Variants in NBEAL1 observed in about 807,000 individuals in gnomAD.
NBEAL1 encodes neurobeachin like 1, also known as neurobeachin-like protein 1.
NBEAL1 carries 273 observed loss-of-function variants against 351.3 expected under a neutral mutation model. The ratio of observed to expected loss-of-function variants is 0.78; its 90% CI spans 0.70 to 0.86. NBEAL1 has a LOEUF of 0.86. Among genes scored for constraint, NBEAL1 ranks in the 40% least tolerant of loss-of-function variants. NBEAL1 has a pLI of 0.00. For missense variants in NBEAL1, 2,961 were observed against 3,201.3 expected (o/e 0.92, Z 1.81); for synonymous variants, 1,050 against 1,086.4 (o/e 0.97, Z 0.66).
chr2:203,027,340 A>G (rs2060874953), intron 2 of NBEAL1, among the ~76,000 whole-genome samples: 1 of 152,264 alleles, frequency 6.6e-6, no homozygotes. Context: ...TTAAAAAATG[A>G]AAAAATAACT....
intron 36 of NBEAL1, among the ~76,000 whole-genome samples, chr2:203,158,876 G>A (rs1334180350): frequency 1.5e-5 from 2 of 131,282 alleles, no homozygotes; most frequent in Admixed American, 9.1e-5. Flanking sequence ...CTGGAGTGCA[G>A]TGGTGTGATC....
intron 3 of NBEAL1, among the ~76,000 whole-genome samples, chr2:203,046,514 C>T (rs2061229480): frequency 6.6e-6 from 1 of 152,092 alleles, no homozygotes; most frequent in Non-Finnish European, 1.5e-5. Context: ...CCACCGCACC[C>T]GGCCAAGAAC....
chr2:203,071,989 G>A (rs1260043191), intron 7 of NBEAL1, among the ~76,000 whole-genome samples: 1 of 152,170 alleles, frequency 6.6e-6, no homozygotes, highest in Non-Finnish European at 1.5e-5. Context: ...ACATAATGCT[G>A]TCTGTGAGGG....
chr2:203,106,323 C>A (rs930475481), intron 12 of NBEAL1, among the ~76,000 whole-genome samples: 1 of 152,140 alleles, frequency 6.6e-6, no homozygotes, highest in Admixed American at 6.6e-5. Context: ...TGAAACATGC[C>A]TTTCATTGTA....
chr2:203,068,399 C>T lies in NBEAL1; in HGVS notation c.522C>T (p.Ile174=). ...RNWRHRISGR[I]LSTVEKSRQK... ...AACTTCTTTTTAATGATAGACGAAT[C>T]CTTAGTACTGTGGAAAAGAGCAGAC... The change falls in exon 7 of 56, where the codon ATC becomes ATT. Residue 174 remains isoleucine, a synonymous_variant. Transcript: ENST00000683969. 3 of 1,538,610 alleles carry T rather than the reference C, an allele frequency of 1.9e-6. No homozygotes were observed. The highest frequency in any genetic ancestry group is 2.5e-5 in the East Asian group (1 of 40,716).
Position 203,130,361 on chromosome 2 carries a change from G to C in NBEAL1, c.3449G>C (p.Ser1150Thr), listed in dbSNP as rs572620492. The change falls in exon 25 of 56, where the codon AGC (serine) becomes ACC (threonine). Residue 1150 changes from serine to threonine, a missense_variant. Coordinates refer to ENST00000683969, the MANE Select transcript of NBEAL1 (RefSeq NM_001378026.1). Reference sequence around the variant, plus strand: ...GTGCTCTTCAGTCTCCTACGTACCAGCCCAACCAGAGGTCAGCTTTTCTTA... The same window carrying C: ...GTGCTCTTCAGTCTCCTACGTACCACCCCAACCAGAGGTCAGCTTTTCTTA... ...LDVLFSLLRT[S>T]PTRGQLFLLL... The C allele has an allele frequency of 1.4e-5, 21 of 1,533,680 alleles. No individual in the cohort carries two copies. In the Admixed American group the frequency reaches 4.3e-4, roughly 32 times the overall value.
chr2:203,019,533 T>C (rs1334978964), intron 2 of NBEAL1, among the ~76,000 whole-genome samples: 1 of 152,190 alleles, frequency 6.6e-6, no homozygotes, highest in African/African-American at 2.4e-5. Flanking sequence ...ATTGTATACA[T>C]ACCTGATTAA....
chr2:203,079,898 G>A (rs1475615770), intron 8 of NBEAL1, among the ~76,000 whole-genome samples: 3 of 151,988 alleles, frequency 2.0e-5, no homozygotes, highest in African/African-American at 7.2e-5. Flanking sequence ...TAGCTCTAGG[G>A]AACTTTTAAT....
At chr2:203,061,702 T>G (rs2061502509) in intron 6 of NBEAL1, 1 of 159,892 alleles carries the variant, frequency 6.3e-6, no homozygotes, top group South Asian at 1.8e-4. Flanking sequence ...AGGAAGAAGC[T>G]AATAATTTAT....
chr2:203,025,611 A>G (rs2060844646), intron 2 of NBEAL1, among the ~76,000 whole-genome samples: 1 of 152,136 alleles, frequency 6.6e-6, no homozygotes, highest in Non-Finnish European at 1.5e-5. Flanking sequence ...AATGTACTTC[A>G]TATCTATCTC....
intron 23 of NBEAL1, among the ~76,000 whole-genome samples, 184 bp from the exon 24 acceptor site, chr2:203,127,597 C>T (rs1178581856): frequency 6.6e-6 from 1 of 152,108 alleles, no homozygotes. Flanking sequence ...TGGCGTGTGC[C>T]TGTAATCCCA....
rs758060116 is a variant in NBEAL1 at position 203,107,911 on chromosome 2, C to T, written c.1672C>T (p.Arg558Cys). The T allele has an allele frequency of 1.7e-5, 26 of 1,553,492 alleles. No homozygotes were observed. The highest frequency in any genetic ancestry group is 2.7e-5 in the African/African-American group (2 of 73,406). The stretch of plus-strand genomic sequence containing the variant: ...TCAGTCAGTGAGCTCAGAAGAAATC[C>T]GTCGACTACTGAGATTGCTGAGAGT... ...GSQSVSSEEI[R>C]RLLRLLRVDE... The change falls in exon 14 of 56, where the codon CGT becomes TGT. Residue 558 changes from arginine to cysteine, a missense_variant. Transcript: ENST00000683969.
intron 8 of NBEAL1, among the ~76,000 whole-genome samples, chr2:203,079,806 T>C (rs1046440489): frequency 2.0e-5 from 3 of 152,230 alleles, no homozygotes; most frequent in Non-Finnish European, 4.4e-5. Context: ...AATCCTTGTC[T>C]ACATTCAGGA....
At chr2:203,178,774 G>A (rs930920832) in intron 42 of NBEAL1, among the ~76,000 whole-genome samples, 1 of 152,164 alleles carries the variant, frequency 6.6e-6, no homozygotes, top group East Asian at 1.9e-4. Context: ...GTCTCCAGGG[G>A]TGGGAGTAGG....
chr2:203,152,514 C>T (rs1459595737), intron 35 of NBEAL1, among the ~76,000 whole-genome samples: 2 of 150,998 alleles, frequency 1.3e-5, no homozygotes, highest in South Asian at 2.1e-4. Flanking sequence ...TGCTTGAACC[C>T]GGGAGGCGGA....
chr2:203,176,741 A>T (rs1194282814), intron 42 of NBEAL1, among the ~76,000 whole-genome samples: 3 of 151,938 alleles, frequency 2.0e-5, no homozygotes, highest in Non-Finnish European at 2.9e-5. Flanking sequence ...AAAAAAAAAA[A>T]AAATGCAATA....
At chr2:203,081,135 G>A (rs1394580236) in intron 8 of NBEAL1, among the ~76,000 whole-genome samples, 1 of 152,188 alleles carries the variant, frequency 6.6e-6, no homozygotes, top group Non-Finnish European at 1.5e-5. Flanking sequence ...GTTGAATATG[G>A]CATTAGTACA....
At chr2:203,126,511 G>C (rs1471003641) in intron 21 of NBEAL1, 46 bp from the exon 22 acceptor site, 4 of 1,307,658 alleles carry the variant, frequency 3.1e-6, no homozygotes, top group Non-Finnish European at 4.0e-6. Context: ...CTTAATGACA[G>C]TTATTTAAAC....
rs2065931602 is a variant in NBEAL1, at chr2:203,219,467, T to G, written c.*2113T>G. The G allele has an allele frequency of 6.6e-6, 1 of 151,984 alleles. No individual in the cohort carries two copies. Among genetic ancestry groups the G allele is most frequent in the South Asian group, 2.1e-4 (1 of 4,824 alleles). 9.4% of individuals were successfully genotyped at this position (151,984 alleles called of 1,614,324 possible). On this transcript the variant is annotated 3_prime_UTR_variant, in exon 56 of 56. Transcript: ENST00000683969. Reference sequence around the variant, plus strand: ...TTTTTACTTTATAGTACAAATAAGTTTTGTTCACAATAAAATAGATATCCT... The same window carrying G: ...TTTTTACTTTATAGTACAAATAAGTGTTGTTCACAATAAAATAGATATCCT...
Sources: gnomAD v4.1 joint callset for allele counts (sites outside exome capture counted in the v4.1 genomes callset) on GRCh38, gnomAD v4.1.1 for gene constraint, MANE v1.5 for transcripts, NCBI Gene and HGNC (gene_info 2026-07-23, HGNC 2026-07-21) for gene names.